The following CHMP4B variants were observed in gnomAD, a reference collection of about 807,000 sequenced individuals.
CHMP4B encodes charged multivesicular body protein 4B.
A neutral mutation model predicts 25.1 loss-of-function variants in CHMP4B; 1 was observed. That is an observed-to-expected ratio of 0.04 (90% CI 0.01 to 0.19). The LOEUF is 0.19. Among genes scored for constraint, CHMP4B ranks in the 10% least tolerant of loss-of-function variants. CHMP4B has a pLI of 1.00. For missense variants in CHMP4B, 151 were observed against 289.7 expected (o/e 0.52, Z 3.48); for synonymous variants, 101 against 115.6 (o/e 0.87, Z 0.81).
intron 1 of CHMP4B, among the ~76,000 whole-genome samples, chr20:33,842,273 G>C (rs1039788037): frequency 6.6e-6 from 1 of 152,098 alleles, no homozygotes; most frequent in African/African-American, 2.4e-5. Flanking sequence ...CCCGAGATCA[G>C]ACAAGATTGG....
At chr20:33,832,751 C>T (rs1482456958) in intron 1 of CHMP4B, among the ~76,000 whole-genome samples, 3 of 150,124 alleles carry the variant, frequency 2.0e-5, no homozygotes, top group Non-Finnish European at 4.4e-5. Context: ...GAATCCTGTG[C>T]TCTTTATAGT....
chr20:33,840,854 A>G (rs1979520933), intron 1 of CHMP4B, among the ~76,000 whole-genome samples: 1 of 152,156 alleles, frequency 6.6e-6, no homozygotes, highest in Non-Finnish European at 1.5e-5. Flanking sequence ...TTTAATCCTC[A>G]CAATAACCCT....
intron 1 of CHMP4B, among the ~76,000 whole-genome samples, chr20:33,844,581 G>A (rs2626558): frequency 0.56 from 85,425 of 151,902 alleles, 24,737 homozygotes; most frequent in East Asian, 0.9. Flanking sequence ...GTCACTGCCA[G>A]TGGAAAATAT....
rs1979832268 is a variant in CHMP4B, at chr20:33,851,041, T to C, written c.458T>C (p.Val153Ala). Residue 153 changes from valine (V) to alanine (A), a missense_variant, in exon 3 of 5, where the codon GTA becomes GCA. Val to Ala is a moderately conservative substitution (Grantham distance 64). This residue lies in a region of CHMP4B where 82 missense variants were observed against 208.3 expected (regional missense o/e 0.39). Coordinates refer to ENST00000217402, the MANE Select transcript of CHMP4B (RefSeq NM_176812.5). ...ATTTCAACAGCAATTTCGAAACCTG[T>C]AGGGTTTGGAGAAGAGTTTGACGAG... ...EEISTAISKP[V>A]GFGEEFDEDE... 3 of 1,610,858 alleles carry C rather than the reference T, an allele frequency of 1.9e-6. No homozygotes were observed. The African/African-American group carries it at 4.0e-5, about 22-fold the overall frequency.
At chr20:33,828,376 TG>T (rs961484353) in intron 1 of CHMP4B, among the ~76,000 whole-genome samples, 1 of 152,362 alleles carries the variant, frequency 6.6e-6, no homozygotes, top group African/African-American at 2.4e-5. Flanking sequence ...GTGGTAAATG[TG>T]GCCAACCCTG....
At chr20:33,814,333 A>G (rs1451521476) in intron 1 of CHMP4B, among the ~76,000 whole-genome samples, 2 of 152,164 alleles carry the variant, frequency 1.3e-5, no homozygotes, top group East Asian at 1.9e-4. Context: ...CCCTTCAGGA[A>G]CTCAGAATTG....
chr20:33,827,154 G>C (rs59124533), intron 1 of CHMP4B, among the ~76,000 whole-genome samples: 4,329 of 152,260 alleles, frequency 0.028, 206 homozygotes, highest in African/African-American at 0.099. Flanking sequence ...CCATCACCCA[G>C]ATTGGTCTGG....
At chr20:33,844,984 C>A (rs893880571) in intron 1 of CHMP4B, among the ~76,000 whole-genome samples, 11 of 152,144 alleles carry the variant, frequency 7.2e-5, no homozygotes, top group African/African-American at 2.4e-4. Context: ...TGGTCTTGAT[C>A]TCCTGACTTT....
In CHMP4B at chr20:33,814,531, G is replaced by T. The variant is rs143892915; in HGVS notation, c.190+2873G>T. 2.6e-5 allele frequency among the ~76,000 whole-genome samples: 4 copies of T among 152,306 alleles called. No individual in the cohort carries two copies. The East Asian group carries it at 7.7e-4, about 29-fold the overall frequency. On this transcript the variant is annotated intron_variant, in intron 1 of 4. Transcript: ENST00000217402. ...TCAGCAAGGAGTTGGGTGTGTTTGG[G>T]AGGCAGTGACAGTGTCGCCTCTGGA...
intron 1 of CHMP4B, among the ~76,000 whole-genome samples, chr20:33,815,003 CTA>C (rs998142373): frequency 3.9e-5 from 6 of 152,204 alleles, no homozygotes; most frequent in Non-Finnish European, 8.8e-5. Flanking sequence ...AAAGAGCACT[CTA>C]GCAGCAGCTT....
At chr20:33,838,237 C>T (rs1369686543) in intron 1 of CHMP4B, among the ~76,000 whole-genome samples, 1 of 152,182 alleles carries the variant, frequency 6.6e-6, no homozygotes, top group African/African-American at 2.4e-5. Flanking sequence ...CCTTAACTGC[C>T]TGAAGGCAAG....
intron 1 of CHMP4B, among the ~76,000 whole-genome samples, chr20:33,825,797 T>C (rs916969512): frequency 3.3e-5 from 5 of 152,196 alleles, no homozygotes; most frequent in Non-Finnish European, 7.4e-5. Context: ...ACTGAGCTTC[T>C]CTGACAAGAA....
chr20:33,815,282 T>G (rs1246686520), intron 1 of CHMP4B, among the ~76,000 whole-genome samples: 1 of 152,210 alleles, frequency 6.6e-6, no homozygotes, highest in Non-Finnish European at 1.5e-5. Context: ...CTTGCCATTA[T>G]CATTATTACA....
At chr20:33,831,545 A>G (rs1046484793) in intron 1 of CHMP4B, among the ~76,000 whole-genome samples, 2 of 151,682 alleles carry the variant, frequency 1.3e-5, no homozygotes, top group African/African-American at 4.8e-5. Flanking sequence ...GCTAAGTTTT[A>G]AAAATTTTTG....
intron 1 of CHMP4B, 29 bp downstream of exon 1, chr20:33,811,687 C>T (rs1409302482): frequency 6.2e-7 from 1 of 1,605,390 alleles, no homozygotes; most frequent in Admixed American, 1.7e-5. Flanking sequence ...TTCAGACTTG[C>T]CACGGGCTCC....
intron 1 of CHMP4B, among the ~76,000 whole-genome samples, chr20:33,847,949 T>C (rs1176450155): frequency 3.3e-5 from 5 of 152,188 alleles, no homozygotes; most frequent in Non-Finnish European, 7.4e-5. Flanking sequence ...GTATTTGATA[T>C]AGTCATTATA....
chr20:33,853,675 T>G lies in CHMP4B; in HGVS notation c.*115T>G. ...GCAGGCAGGTTCCATCGCTTTCGAC[T>G]CTCACTCCAAAGCAGTAGGGCCGCG... is the stretch of plus-strand genomic sequence containing the variant. On this transcript the variant is annotated 3_prime_UTR_variant, in exon 5 of 5. Coordinates refer to ENST00000217402, the MANE Select transcript of CHMP4B (RefSeq NM_176812.5). 2.6e-6 allele frequency: 2 copies of G among 769,838 alleles called. No individual in the cohort carries two copies. Among genetic ancestry groups the G allele is most frequent in the South Asian group, 2.7e-5 (2 of 73,158 alleles). 47.7% of individuals were successfully genotyped at this position (769,838 alleles called of 1,614,324 possible).
At position 33,853,735 on chromosome 20, in the gene CHMP4B, C is replaced by T; in HGVS notation, c.*175C>T. 1 of 46,620 alleles carries T rather than the reference C, an allele frequency of 2.1e-5. No individual in the cohort carries two copies. The highest frequency in any genetic ancestry group is 3.6e-4 in the East Asian group (1 of 2,746). 2.9% of individuals were successfully genotyped at this position (46,620 alleles called of 1,614,324 possible). A position where few individuals can be genotyped will look rare whatever the true frequency, so the allele number is the denominator to read the frequency against. On this transcript the variant is annotated 3_prime_UTR_variant, in exon 5 of 5. Coordinates refer to ENST00000217402, the MANE Select transcript of CHMP4B (RefSeq NM_176812.5). ...ACTCTCTGCATAGCATGGTCTGCAC[C>T]TGGGAGATGGGCGGGGGGAGGGGGG... is the stretch of plus-strand genomic sequence containing the variant.
intron 1 of CHMP4B, among the ~76,000 whole-genome samples, chr20:33,828,960 G>C (rs1194246801): frequency 1.3e-5 from 2 of 152,122 alleles, no homozygotes; most frequent in Non-Finnish European, 2.9e-5. Context: ...TGTTTATTCT[G>C]GCCCCTTTTA....
Sources: gnomAD v4.1 joint callset for allele counts (sites outside exome capture counted in the v4.1 genomes callset) on GRCh38, gnomAD v4.1.1 for gene constraint, gnomAD v4.1.1 regional missense constraint, MANE v1.5 for transcripts, NCBI Gene and HGNC (gene_info 2026-07-23, HGNC 2026-07-21) for gene names.